Variants in CRKL observed in about 807,000 individuals in gnomAD.
CRKL encodes crk-like protein.
A neutral mutation model predicts 23.0 loss-of-function variants in CRKL; 3 were observed. The observed-to-expected ratio is 0.13, with a 90% CI of 0.06 to 0.34. The LOEUF (loss-of-function observed/expected upper bound fraction) is 0.34, where lower values mean the gene tolerates loss of function less well. CRKL is among the 10% of genes least tolerant of loss of function. The probability of loss-of-function intolerance (pLI) is 1.00; values close to 1 mark genes in which losing one functional copy is unlikely to be tolerated. For missense variants in CRKL, 256 were observed against 394.5 expected (o/e 0.65, Z 2.97); for synonymous variants, 188 against 160.7 (o/e 1.17, Z -1.28).
In CRKL at chr22:20,952,628, T is replaced by C. The variant is rs1355448082; in HGVS notation, c.*2783T>C. Reference sequence around the variant, plus strand: ...AAGACTGTTGTGCTCCATAGAGCAGTGCACATCTGACCCAGAGGGTGGGTG... The same window carrying C: ...AAGACTGTTGTGCTCCATAGAGCAGCGCACATCTGACCCAGAGGGTGGGTG... On this transcript the variant is annotated 3_prime_UTR_variant, in exon 3 of 3. Coordinates refer to ENST00000354336, the MANE Select transcript of CRKL (RefSeq NM_005207.4). The C allele has an allele frequency of 8.6e-6, 2 of 232,626 alleles. No homozygotes were observed. Among genetic ancestry groups the C allele is most frequent in the East Asian group, 1.2e-4 (2 of 16,500 alleles). 14.4% of individuals were successfully genotyped at this position (232,626 alleles called of 1,614,324 possible).
chr22:20,939,437 G>A (rs1296512712), intron 2 of CRKL, among the ~76,000 whole-genome samples: 1 of 151,556 alleles, frequency 6.6e-6, no homozygotes, highest in African/African-American at 2.4e-5. Flanking sequence ...TAGTAGAGAC[G>A]GGGCTTCACC....
In CRKL at chr22:20,917,920, C is replaced by T. The variant is rs1336375363; in HGVS notation, c.-15C>T. The T allele has an allele frequency of 2.5e-6, 4 of 1,609,174 alleles. No homozygotes were observed. The South Asian group carries it at 4.4e-5, about 18-fold the overall frequency. ...GCCGCCGCCCCTACCGCCGCAGAGT[C>T]CCCGGTCCAACACCATGTCCTCCGC... On this transcript the variant is annotated 5_prime_UTR_variant, in exon 1 of 3. Transcript: ENST00000354336.
chr22:20,925,026 A>G (rs1256751367), intron 1 of CRKL, among the ~76,000 whole-genome samples: 1 of 152,030 alleles, frequency 6.6e-6, no homozygotes, highest in Non-Finnish European at 1.5e-5. Context: ...CGTCTCTACT[A>G]AAAATACAAA....
At chr22:20,918,357 C>T in intron 1 of CRKL, 112 bp downstream of exon 1, 1 of 1,237,762 alleles carries the variant, frequency 8.1e-7, no homozygotes, top group Non-Finnish European at 1.1e-6. Flanking sequence ...GCATTCTGAA[C>T]CAAATTATTT....
chr22:20,939,233 C>CTTTTTT (rs140538861), intron 2 of CRKL, among the ~76,000 whole-genome samples: 7 of 75,150 alleles, frequency 9.3e-5, no homozygotes, highest in African/African-American at 2.3e-4. Context: ...ACATAAGTTG[C>CTTTTTT]TTTTTTTTTT....
At chr22:20,949,610 A>G in intron 2 of CRKL, 101 bp from the exon 3 acceptor site, 2 of 1,470,272 alleles carry the variant, frequency 1.4e-6, no homozygotes, top group Admixed American at 2.0e-5. Flanking sequence ...TCTAAATAAT[A>G]ATGTATGGGC....
chr22:20,927,757 T>C (rs1040907721), intron 1 of CRKL, among the ~76,000 whole-genome samples: 8 of 143,886 alleles, frequency 5.6e-5, no homozygotes, highest in African/African-American at 2.1e-4. Flanking sequence ...GCAGGATAAT[T>C]GTTTGAACCC....
chr22:20,923,214 T>C (rs930622336), intron 1 of CRKL, among the ~76,000 whole-genome samples: 2 of 152,098 alleles, frequency 1.3e-5, no homozygotes, highest in Non-Finnish European at 2.9e-5. Context: ...CCTGGTAATA[T>C]GGAACCAACA....
At chr22:20,943,394 C>CG (rs1232708879) in intron 2 of CRKL, among the ~76,000 whole-genome samples, 6 of 152,236 alleles carry the variant, frequency 3.9e-5, no homozygotes, top group African/African-American at 1.4e-4. Flanking sequence ...CACTCACCAC[C>CG]ATACCCCGCT....
intron 1 of CRKL, among the ~76,000 whole-genome samples, chr22:20,925,662 A>C (rs564290612): frequency 6.6e-6 from 1 of 152,258 alleles, no homozygotes; most frequent in African/African-American, 2.4e-5. Flanking sequence ...CACCAGGCAC[A>C]TAGCAACTCA....
rs1021761815 is a variant in CRKL at position 20,953,237 on chromosome 22, C to T, written c.*3392C>T. ...AGACTAATGCTTTCTGTGGACACCA[C>T]TGAGCTCTGCCTCAACTCCACCCTC... On this transcript the variant is annotated 3_prime_UTR_variant, in exon 3 of 3. Coordinates refer to ENST00000354336, the MANE Select transcript of CRKL (RefSeq NM_005207.4). The T allele has an allele frequency of 3.5e-5, 8 of 231,730 alleles. No homozygotes were observed. Among genetic ancestry groups the T allele is most frequent in the Non-Finnish European group, 6.0e-5 (7 of 117,030 alleles). 14.4% of individuals were successfully genotyped at this position (231,730 alleles called of 1,614,324 possible).
rs923290434 is a variant in CRKL, at chr22:20,953,075, C to T, written c.*3230C>T. 5 of 232,290 alleles carry T rather than the reference C, an allele frequency of 2.2e-5. No homozygotes were observed. The highest frequency in any genetic ancestry group is 4.3e-5 in the Non-Finnish European group (5 of 117,254). The allele number at this position is 232,290 out of a possible 1,614,324, so 14.4% of individuals were successfully genotyped here. Reference sequence around the variant, plus strand: ...GGCCACTGCTCTTGTGATGTTTGCTCAGAGGAATATGAACATTTTATTTTT... The same window carrying T: ...GGCCACTGCTCTTGTGATGTTTGCTTAGAGGAATATGAACATTTTATTTTT... On this transcript the variant is annotated 3_prime_UTR_variant, in exon 3 of 3. Transcript: ENST00000354336.
chr22:20,942,509 A>C (rs1341085919), intron 2 of CRKL, among the ~76,000 whole-genome samples: 2 of 152,206 alleles, frequency 1.3e-5, no homozygotes, highest in African/African-American at 2.4e-5. Context: ...TATTTTGGCT[A>C]TGGTGAATAA....
intron 1 of CRKL, among the ~76,000 whole-genome samples, chr22:20,918,592 CTTT>C (rs66827795): frequency 1.9e-4 from 17 of 89,320 alleles, no homozygotes; most frequent in East Asian, 3.0e-4. Flanking sequence ...CTAAAAACCT[CTTT>C]TTTTTTTTTT....
rs747404847 is a variant in CRKL, at chr22:20,933,883, C to A, written c.416C>A (p.Ala139Asp). ...CTGTATGATTTTCCTGGGAATGATG[C>A]CGAAGACCTGCCCTTTAAAAAGGGT... ...RTLYDFPGNDAEDLPFKKGEI... is the reference protein window; with the variant it reads ...RTLYDFPGNDDEDLPFKKGEI... The change falls in exon 2 of 3, where the codon GCC becomes GAC. Residue 139 changes from alanine (A) to aspartate (D), a missense_variant. Physicochemically the swap from Ala to Asp is moderately radical, Grantham distance 126. Transcript: ENST00000354336. 4 of 1,613,948 alleles carry A rather than the reference C, an allele frequency of 2.5e-6. No homozygotes were observed. In the South Asian group the frequency reaches 4.4e-5, roughly 18 times the overall value.
chr22:20,941,588 A>ACATATAT, intron 2 of CRKL, among the ~76,000 whole-genome samples: 1 of 33,540 alleles, frequency 3.0e-5, no homozygotes, highest in South Asian at 1.6e-3. Flanking sequence ...GTATATATAT[A>ACATATAT]TTTTTTTTTT....
intron 2 of CRKL, among the ~76,000 whole-genome samples, chr22:20,943,520 G>A (rs1459249478): frequency 1.3e-5 from 2 of 152,158 alleles, no homozygotes; most frequent in Non-Finnish European, 1.5e-5. Context: ...GATTACAGGC[G>A]TGCGCCACCA....
chr22:20,947,657 TTTC>T (rs954898847), intron 2 of CRKL, among the ~76,000 whole-genome samples: 1 of 144,130 alleles, frequency 6.9e-6, no homozygotes, highest in Non-Finnish European at 1.5e-5. Context: ...TTTCTTTTCT[TTTC>T]TTTTTTCTTT....
intron 1 of CRKL, among the ~76,000 whole-genome samples, chr22:20,932,508 G>T (rs1921492722): frequency 6.6e-6 from 1 of 152,096 alleles, no homozygotes. Flanking sequence ...GAAGTGTGCA[G>T]GATGTAAGCC....
Sources: allele counts gnomAD v4.1 joint callset (sites outside exome capture counted in the v4.1 genomes callset), GRCh38; gene constraint gnomAD v4.1.1; transcripts MANE v1.5; gene names NCBI Gene and HGNC (gene_info 2026-07-23, HGNC 2026-07-21).